Variants in SAMD12 observed in about 807,000 individuals in gnomAD.
The protein encoded by SAMD12 is sterile alpha motif domain-containing protein 12.
Under a neutral mutation model 15.0 loss-of-function variants are expected in SAMD12, and 9 were observed. The ratio of observed to expected loss-of-function variants is 0.60; its 90% confidence interval spans 0.36 to 1.05. The LOEUF is 1.05. SAMD12 is among the 50% of genes least tolerant of loss of function. SAMD12 has a pLI of 0.01. For synonymous variants in SAMD12, 86 were observed against 90.1 expected (o/e 0.96, Z 0.25); for missense variants, 230 against 234.2 (o/e 0.98, Z 0.12).
intron 1 of SAMD12, among the ~76,000 whole-genome samples, chr8:118,618,892 C>A (rs1828317815): frequency 6.6e-6 from 1 of 151,552 alleles, no homozygotes; most frequent in South Asian, 2.1e-4. Context: ...CAGTAGTGAG[C>A]CCATTTTTTC....
intron 4 of SAMD12, among the ~76,000 whole-genome samples, chr8:118,324,363 A>G (rs1291528331): frequency 2.0e-5 from 3 of 152,208 alleles, no homozygotes; most frequent in African/African-American, 4.8e-5. Flanking sequence ...GATCAAGATT[A>G]TAAATGTCAC....
chr8:118,167,186 C>T, the SAMD12 span, among the ~76,000 whole-genome samples: 1 of 151,474 alleles, frequency 6.6e-6, no homozygotes, highest in Non-Finnish European at 1.5e-5. Context: ...CTCCCCCCAG[C>T]CCCCCGCGCC....
chr8:118,291,272 AAG>A (rs1304297516), intron 4 of SAMD12: 2 of 152,228 alleles, frequency 1.3e-5, no homozygotes, highest in Non-Finnish European at 2.9e-5. Context: ...GATAAAGGGA[AAG>A]AGAGTCCCCA....
intron 1 of SAMD12, among the ~76,000 whole-genome samples, chr8:118,615,705 C>T (rs1224994094): frequency 6.6e-6 from 1 of 152,194 alleles, no homozygotes; most frequent in Non-Finnish European, 1.5e-5. Flanking sequence ...AACACAGCTA[C>T]ACCAGCAAAG....
In SAMD12 at chr8:118,400,498, A is replaced by G. The variant is rs372664109; in HGVS notation, c.323-20798T>C. ...AATTCACTGATCTCTCATTTTGTAG[A>G]TGTAAGTTTTGTATAATGAGTTTCC... is the stretch of plus-strand genomic sequence containing the variant. On this transcript the variant is annotated intron_variant, in intron 3 of 3. Transcript: ENST00000314727. The G allele has an allele frequency of 3.3e-5, 5 of 152,366 alleles. No homozygotes were observed. In the South Asian group the frequency reaches 6.2e-4, roughly 19 times the overall value. The allele number at this position is 152,366 out of a possible 1,614,324, so 9.4% of individuals were successfully genotyped here.
intron 4 of SAMD12, among the ~76,000 whole-genome samples, chr8:118,337,252 G>T (rs568108637): frequency 6.6e-6 from 1 of 152,068 alleles, no homozygotes; most frequent in Non-Finnish European, 1.5e-5. Context: ...CAAACAAAGC[G>T]GGTCCTAGTA....
intron 4 of SAMD12, among the ~76,000 whole-genome samples, chr8:118,276,175 C>A (rs73709241): frequency 0.029 from 4,363 of 152,260 alleles, 231 homozygotes; most frequent in African/African-American, 0.099. Context: ...AACCTTCTTC[C>A]TTGCATTGTT....
chr8:118,201,717 C>T (rs1819721164), intron 4 of SAMD12, among the ~76,000 whole-genome samples: 2 of 152,132 alleles, frequency 1.3e-5, no homozygotes, highest in African/African-American at 4.8e-5. Flanking sequence ...AGTGGGATTG[C>T]TCTGGTTTCT....
chr8:118,533,246 G>A (rs1348599931), intron 2 of SAMD12, among the ~76,000 whole-genome samples: 8 of 152,074 alleles, frequency 5.3e-5, no homozygotes, highest in African/African-American at 1.2e-4. Context: ...GTAGTTGAGC[G>A]GTTTTGAGTG....
intron 2 of SAMD12, among the ~76,000 whole-genome samples, chr8:118,443,567 C>G (rs968458923): frequency 2.6e-4 from 39 of 152,204 alleles, no homozygotes; most frequent in African/African-American, 8.4e-4. Context: ...AAGATTCCTA[C>G]TGTTTGTCTC....
chr8:118,153,110 T>A, the SAMD12 span, among the ~76,000 whole-genome samples: 1 of 152,204 alleles, frequency 6.6e-6, no homozygotes, highest in African/African-American at 2.4e-5. Flanking sequence ...TCTGTGTCAG[T>A]TAGTTTTCAC....
chr8:118,248,008 C>A (rs1812736440), intron 4 of SAMD12, among the ~76,000 whole-genome samples: 1 of 152,068 alleles, frequency 6.6e-6, no homozygotes, highest in African/African-American at 2.4e-5. Flanking sequence ...CAGTCACATA[C>A]AACAGGGATA....
chr8:118,225,423 C>T lies in SAMD12; in HGVS notation c.434-27691G>A, dbSNP rs568210344. ...AGGACGTGGCCTCACTTCCCAAATG[C>T]TGCCAGCAAAGTTGTGCTGCCAGGG... On this transcript the variant is annotated intron_variant, in intron 4 of 4. Transcript: ENST00000409003. 1.3e-3 allele frequency among the ~76,000 whole-genome samples: 205 copies of T among 152,298 alleles called. 1 individual carries two copies. Among genetic ancestry groups the T allele is most frequent in the Non-Finnish European group, 2.5e-3 (170 of 68,026 alleles).
intron 2 of SAMD12, among the ~76,000 whole-genome samples, chr8:118,508,778 G>A (rs77315261): frequency 0.024 from 3,584 of 152,256 alleles, 114 homozygotes; most frequent in African/African-American, 0.076. Flanking sequence ...AAGGGTAGGC[G>A]GAGTATGACA....
intron 1 of SAMD12, among the ~76,000 whole-genome samples, chr8:118,582,106 A>T (rs932657283): frequency 3.9e-5 from 6 of 152,104 alleles, no homozygotes; most frequent in African/African-American, 1.4e-4. Flanking sequence ...TTTAGACCTG[A>T]GGGATGAGGC....
At chr8:118,282,980 T>C (rs1195318020) in intron 4 of SAMD12, among the ~76,000 whole-genome samples, 2 of 152,074 alleles carry the variant, frequency 1.3e-5, no homozygotes, top group Non-Finnish European at 2.9e-5. Context: ...ATGGATTAAA[T>C]ACAGAAATAA....
chr8:118,387,457 C>T (rs76398907), intron 3 of SAMD12, among the ~76,000 whole-genome samples: 1,982 of 119,346 alleles, frequency 0.017, 42 homozygotes, highest in African/African-American at 0.061. Context: ...TCCTCCTCCT[C>T]CTACTCCCCT....
At chr8:118,517,033 AG>A (rs1449396525) in intron 2 of SAMD12, among the ~76,000 whole-genome samples, 1 of 152,194 alleles carries the variant, frequency 6.6e-6, no homozygotes, top group East Asian at 1.9e-4. Context: ...AACAGTTCTA[AG>A]AAAATGGAGA....
intron 4 of SAMD12, among the ~76,000 whole-genome samples, chr8:118,199,724 G>A (rs147084333): frequency 8.0e-4 from 122 of 152,256 alleles, no homozygotes; most frequent in African/African-American, 2.8e-3. Flanking sequence ...TTATAACCAT[G>A]GATGTAAGTG....
Sources: gnomAD v4.1 joint callset for allele counts (sites outside exome capture counted in the v4.1 genomes callset) on GRCh38, gnomAD v4.1.1 for gene constraint, MANE v1.5 for transcripts, NCBI Gene and HGNC (gene_info 2026-07-23, HGNC 2026-07-21) for gene names.